The following PTPN5 variants were observed in gnomAD, a reference collection of about 807,000 sequenced individuals.
PTPN5 encodes protein tyrosine phosphatase non-receptor type 5.
Under a neutral mutation model 73.9 loss-of-function variants are expected in PTPN5, and 29 were observed. The observed-to-expected ratio is 0.39, with a 90% confidence interval of 0.29 to 0.54. The LOEUF is 0.54. Ranked by LOEUF, PTPN5 falls within the 20% of genes least tolerant of loss-of-function variation. PTPN5 has a pLI of 0.65. For synonymous variants in PTPN5, 267 were observed against 304.7 expected, an observed-to-expected ratio of 0.88 and a Z score of 1.29; for missense variants, 652 against 751.4, an observed-to-expected ratio of 0.87 and a Z score of 1.55.
chr11:18,742,547 T>C lies in PTPN5; in HGVS notation c.484-44A>G, dbSNP rs528443952. On this transcript the variant is annotated intron_variant, in intron 6 of 14. Coordinates refer to ENST00000358540, the MANE Select transcript of PTPN5 (RefSeq NM_006906.2). This position sits in a 1 kb window ranked among gnomAD's most constrained non-coding sequence, Gnocchi z 4.1. The stretch of plus-strand genomic sequence containing the variant: ...ATCACAGATTTCGGACCACGCTGGC[T>C]GCCCCCCGTGTTCCTGGAGTGCCCA... 1.9e-5 allele frequency: 31 copies of C among 1,601,590 alleles called. No homozygotes were observed. The South Asian group carries it at 2.7e-4, about 14-fold the overall frequency.
chr11:18,773,769 G>A lies in PTPN5; in HGVS notation c.-113-1698C>T, dbSNP rs150447418. Among the ~76,000 whole-genome samples the A allele has an allele frequency of 5.4e-3, 817 of 152,254 alleles. 8 individuals carry two copies. Among genetic ancestry groups the A allele is most frequent in the African/African-American group, 0.019 (800 of 41,536 alleles). ...GTTCTAAGAATAGATTCTTGGCTTGGGAGGCAGGAGACCAGCCAAAAAGGT... is the reference window on the plus strand; with the variant it reads ...GTTCTAAGAATAGATTCTTGGCTTGAGAGGCAGGAGACCAGCCAAAAAGGT... On this transcript the variant is annotated intron_variant, in intron 1 of 14. Coordinates refer to ENST00000358540, the MANE Select transcript of PTPN5 (RefSeq NM_006906.2).
rs754444798 is a variant in PTPN5, at chr11:18,729,204, G to A, written c.1605-177C>T. Among the ~76,000 whole-genome samples the A allele has an allele frequency of 9.9e-5, 15 of 152,236 alleles. No individual in the cohort carries two copies. Among genetic ancestry groups the A allele is most frequent in the Admixed American group, 2.0e-4 (3 of 15,306 alleles). ...TTCCTATCAGGGACACAGATGACATGTCCTACCACTTTCGGCCTCTGTCCT... is the reference window on the plus strand; with the variant it reads ...TTCCTATCAGGGACACAGATGACATATCCTACCACTTTCGGCCTCTGTCCT... On this transcript the variant is annotated intron_variant, in intron 14 of 14. Transcript: ENST00000358540. This position sits in a 1 kb window ranked among gnomAD's most constrained non-coding sequence, Gnocchi z 5.2.
At chr11:18,745,990 T>C (rs1849599981) in intron 3 of PTPN5, among the ~76,000 whole-genome samples, 1 of 151,622 alleles carries the variant, frequency 6.6e-6, no homozygotes, top group Non-Finnish European at 1.5e-5. Context: ...TGGTATCAGC[T>C]TTGTTCATCC....
At chr11:18,743,801 G>A (rs1849485811) in intron 4 of PTPN5, 3 of 608,232 alleles carry the variant, frequency 4.9e-6, no homozygotes, top group East Asian at 5.9e-5. Context: ...TAGGGAGGCA[G>A]GGTGTGAGGT....
In PTPN5 at chr11:18,742,927, G is replaced by A; in HGVS notation, c.483+65C>T. On this transcript the variant is annotated intron_variant, in intron 6 of 14. Coordinates refer to ENST00000358540, the MANE Select transcript of PTPN5 (RefSeq NM_006906.2). This position sits in a 1 kb window ranked among gnomAD's most constrained non-coding sequence, Gnocchi z 4.1. ...CAGCCTATAAGTCAGATGGGAGCTG[G>A]TAGAAATCCAGGCCTCAAGGTCAGA... The A allele has an allele frequency of 9.3e-7, 1 of 1,076,926 alleles. No homozygotes were observed. The highest frequency in any genetic ancestry group is 1.4e-6 in the Non-Finnish European group (1 of 716,050). 66.7% of individuals were successfully genotyped at this position (1,076,926 alleles called of 1,614,324 possible).
At position 18,728,956 on chromosome 11, in the gene PTPN5, A is replaced by C; in HGVS notation, c.1676T>G (p.Leu559Arg). Residue 559 changes from leucine to arginine, a missense_variant, in exon 15 of 15, where the codon CTG (leucine) becomes CGG (arginine). This residue lies in a region of PTPN5 where 21 missense variants were observed against 16.9 expected (regional missense o/e 1.24). Transcript: ENST00000358540. This position sits in a 1 kb window ranked among gnomAD's most constrained non-coding sequence, Gnocchi z 4.1. ...CAGTCATTCTGGGGACTGGTGGGACAGCTGCTTTTCGTAGAGGCTCATGAC... is the reference window on the plus strand; with the variant it reads ...CAGTCATTCTGGGGACTGGTGGGACCGCTGCTTTTCGTAGAGGCTCATGAC... ...HHVMSLYEKQ[L>R]SHQSPE 6.2e-7 allele frequency: 1 copy of C among 1,613,434 alleles called. No homozygotes were observed. Among genetic ancestry groups the C allele is most frequent in the Non-Finnish European group, 8.5e-7 (1 of 1,179,734 alleles).
At chr11:18,760,967 G>T (rs1850358735) in intron 3 of PTPN5, among the ~76,000 whole-genome samples, 1 of 152,278 alleles carries the variant, frequency 6.6e-6, no homozygotes, top group African/African-American at 2.4e-5. Flanking sequence ...TGTGAGGGTA[G>T]ACACTGTCTC....
At chr11:18,770,526 T>TTATTTATCTATTCATTTATCTA (rs1850836457) in intron 2 of PTPN5, among the ~76,000 whole-genome samples, 1 of 152,240 alleles carries the variant, frequency 6.6e-6, no homozygotes, top group African/African-American at 2.4e-5. Context: ...ACAGACGATG[T>TTATTTATCTATTCATTTATCTA]TTTATTTATC....
chr11:18,783,353 T>C (rs1430117578), intron 1 of PTPN5, among the ~76,000 whole-genome samples: 1 of 152,210 alleles, frequency 6.6e-6, no homozygotes, highest in East Asian at 1.9e-4. Flanking sequence ...GCTGCTACTA[T>C]AGGAAAGCAC....
In PTPN5 at chr11:18,772,074, G is replaced by A. The variant is rs1850928477; in HGVS notation, c.-113-3C>T. ...GAGGGCAGCTTCAGATCATCCAGCT[G>A]GGAAAACGGGGCAAAGAGAGATTAA... On this transcript the variant is annotated splice_polypyrimidine_tract_variant and splice_region_variant and intron_variant, in intron 1 of 14. Coordinates refer to ENST00000358540, the MANE Select transcript of PTPN5 (RefSeq NM_006906.2). 7.0e-6 allele frequency: 5 copies of A among 719,216 alleles called. No homozygotes were observed. The South Asian group carries it at 8.2e-5, about 12-fold the overall frequency. The allele number at this position is 719,216 out of a possible 1,614,324, so 44.6% of individuals were successfully genotyped here.
chr11:18,771,394 C>T lies in PTPN5; in HGVS notation c.20+545G>A, dbSNP rs576580574. Among the ~76,000 whole-genome samples the T allele has an allele frequency of 6.0e-4, 92 of 152,326 alleles. No homozygotes were observed. The South Asian group carries it at 0.017, about 29-fold the overall frequency. Reference sequence around the variant, plus strand: ...TGCGACTCAGGCGGTGCGTCTTCCACGGAGCACTCCCTGATCTCTCAGGAA... The same window carrying T: ...TGCGACTCAGGCGGTGCGTCTTCCATGGAGCACTCCCTGATCTCTCAGGAA... On this transcript the variant is annotated intron_variant, in intron 2 of 14. Coordinates refer to ENST00000358540, the MANE Select transcript of PTPN5 (RefSeq NM_006906.2).
At chr11:18,766,871 C>T (rs1462411697) in intron 2 of PTPN5, among the ~76,000 whole-genome samples, 1 of 152,156 alleles carries the variant, frequency 6.6e-6, no homozygotes, top group Non-Finnish European at 1.5e-5. Context: ...AGATCCTCTC[C>T]CTTGCACACT....
intron 1 of PTPN5, among the ~76,000 whole-genome samples, chr11:18,773,195 T>C (rs1227491812): frequency 2.0e-5 from 3 of 152,058 alleles, no homozygotes; most frequent in Non-Finnish European, 4.4e-5. Flanking sequence ...GACAGACCTA[T>C]ATTCCCTTGG....
chr11:18,733,445 C>T lies in PTPN5; in HGVS notation c.1081-73G>A, dbSNP rs1020936996. 5.6e-6 allele frequency: 9 copies of T among 1,610,446 alleles called. No individual in the cohort carries two copies. Among genetic ancestry groups the T allele is most frequent in the East Asian group, 2.2e-5 (1 of 44,832 alleles). ...AGGACCCCATCCCCACACTCAGGCT[C>T]TTCACAGGAGCTGGCAGGAGCCAGA... On this transcript the variant is annotated intron_variant, in intron 10 of 14. Transcript: ENST00000358540. The surrounding 1 kb of genome is among the most constrained non-coding windows in gnomAD (Gnocchi z 4.3).
chr11:18,732,796 C>A, intron 11 of PTPN5, 94 bp from the exon 12 acceptor site: 1 of 1,020,658 alleles, frequency 9.8e-7, no homozygotes, highest in Non-Finnish European at 1.5e-6. Context: ...TACACAAGGG[C>A]AACAGGGTTG....
At chr11:18,759,471 C>T (rs1356095933) in intron 3 of PTPN5, among the ~76,000 whole-genome samples, 1 of 152,200 alleles carries the variant, frequency 6.6e-6, no homozygotes, top group Non-Finnish European at 1.5e-5. Flanking sequence ...AGATGGGCTC[C>T]ATCCTGGTGT....
chr11:18,756,861 C>T (rs1202019158), intron 3 of PTPN5, among the ~76,000 whole-genome samples: 1 of 149,818 alleles, frequency 6.7e-6, no homozygotes, highest in East Asian at 2.0e-4. Context: ...GAGGTGGAGG[C>T]TGCAGTGAGC....
intron 1 of PTPN5, among the ~76,000 whole-genome samples, chr11:18,783,466 G>C (rs111280496): frequency 1.2e-4 from 19 of 152,212 alleles, no homozygotes; most frequent in African/African-American, 3.6e-4. Flanking sequence ...TCCTGGGCAG[G>C]TGTCTCTCCT....
chr11:18,779,185 C>A (rs1268666935), intron 1 of PTPN5, among the ~76,000 whole-genome samples: 1 of 152,192 alleles, frequency 6.6e-6, no homozygotes, highest in African/African-American at 2.4e-5. Flanking sequence ...TACCCTCAGC[C>A]TGATTTAACC....
Sources: allele counts gnomAD v4.1 joint callset (sites outside exome capture counted in the v4.1 genomes callset), GRCh38; gene constraint gnomAD v4.1.1; regional missense constraint gnomAD v4.1.1; non-coding constraint Gnocchi (gnomAD v3.1); transcripts MANE v1.5; gene names NCBI Gene and HGNC (gene_info 2026-07-23, HGNC 2026-07-21).